COL13A1: variants seen among roughly 807,000 people sequenced by gnomAD.
COL13A1 encodes the protein collagen alpha-1(XIII) chain.
In COL13A1, 89 loss-of-function variants were observed where a neutral mutation model predicts 130.9. That is an observed-to-expected ratio of 0.68 (90% CI 0.57 to 0.81). The LOEUF (loss-of-function observed/expected upper bound fraction) is 0.81, where lower values mean the gene tolerates loss of function less well. COL13A1 is among the 30% of genes least tolerant of loss of function. The pLI is 0.00. For missense variants in COL13A1, 879 were observed against 934.6 expected (o/e 0.94, Z 0.78); for synonymous variants, 402 against 341.6 (o/e 1.18, Z -1.95).
intron 1 of COL13A1, among the ~76,000 whole-genome samples, chr10:69,815,141 T>C (rs1279683383): frequency 6.6e-6 from 1 of 152,026 alleles, no homozygotes; most frequent in African/African-American, 2.4e-5. Context: ...AGGCTCAAGG[T>C]CACAGCTGCA....
chr10:69,954,737 C>T lies in COL13A1; in HGVS notation c.2145+1769C>T, dbSNP rs112955935. 7.8e-3 allele frequency among the ~76,000 whole-genome samples: 1,193 copies of T among 152,308 alleles called. 8 individuals carry two copies. The highest frequency in any genetic ancestry group is 0.065 in the Middle Eastern group (19 of 294). On this transcript the variant is annotated intron_variant, in intron 39 of 40. Transcript: ENST00000645393. ...GGTTTGTCCTTCTTGCTTAAATCTC[C>T]AAAGACATTACCAGACCCTTCCTCG...
At chr10:69,842,130 G>A (rs1851760812) in intron 2 of COL13A1, among the ~76,000 whole-genome samples, 1 of 152,180 alleles carries the variant, frequency 6.6e-6, no homozygotes, top group Non-Finnish European at 1.5e-5. Context: ...GAGGGACCTG[G>A]TGGGAGATGA....
chr10:69,913,707 G>A (rs2063621925), intron 17 of COL13A1, among the ~76,000 whole-genome samples: 1 of 152,130 alleles, frequency 6.6e-6, no homozygotes, highest in Admixed American at 6.5e-5. Flanking sequence ...AATGTTTTTG[G>A]CTTTAGGAGA....
intron 1 of COL13A1, among the ~76,000 whole-genome samples, chr10:69,806,557 C>T (rs978671272): frequency 6.6e-6 from 1 of 152,232 alleles, no homozygotes; most frequent in Non-Finnish European, 1.5e-5. Context: ...GCGCCTCTCT[C>T]CTGGTCTGGG....
At chr10:69,922,351 G>A (rs1016176475) in intron 22 of COL13A1, among the ~76,000 whole-genome samples, 4 of 152,162 alleles carry the variant, frequency 2.6e-5, no homozygotes, top group Non-Finnish European at 5.9e-5. Flanking sequence ...CTGCAGTGAT[G>A]GGGTCTGCAA....
intron 1 of COL13A1, among the ~76,000 whole-genome samples, chr10:69,810,821 C>T (rs968727569): frequency 2.1e-4 from 32 of 152,354 alleles, no homozygotes; most frequent in African/African-American, 7.7e-4. Flanking sequence ...CTGACACTCC[C>T]GCTCTCCCAG....
intron 2 of COL13A1, among the ~76,000 whole-genome samples, chr10:69,853,361 G>T (rs1020086246): frequency 9.9e-5 from 15 of 152,108 alleles, no homozygotes; most frequent in African/African-American, 3.4e-4. Context: ...TTCCAATGAG[G>T]CCTCTTATCT....
At chr10:69,838,187 T>C (rs1459079597) in intron 2 of COL13A1, among the ~76,000 whole-genome samples, 1 of 152,226 alleles carries the variant, frequency 6.6e-6, no homozygotes, top group African/African-American at 2.4e-5. Context: ...GCCTTCCCGG[T>C]CCCACTTGTG....
At chr10:69,877,138 G>A (rs1395957845) in intron 5 of COL13A1, among the ~76,000 whole-genome samples, 1 of 152,210 alleles carries the variant, frequency 6.6e-6, no homozygotes, top group African/African-American at 2.4e-5. Flanking sequence ...TGCCCATTAG[G>A]GGTCCTGGCA....
intron 2 of COL13A1, among the ~76,000 whole-genome samples, chr10:69,836,384 G>C (rs1310635767): frequency 6.6e-6 from 1 of 152,336 alleles, no homozygotes; most frequent in East Asian, 1.9e-4. Context: ...TTGGTGGCTT[G>C]TGCAGCTGGC....
chr10:69,905,273 C>T (rs2062636727), intron 16 of COL13A1, among the ~76,000 whole-genome samples: 1 of 152,150 alleles, frequency 6.6e-6, no homozygotes. Context: ...GTCACAATAT[C>T]CCAATAAAAT....
chr10:69,914,987 C>T (rs369484102), intron 17 of COL13A1, among the ~76,000 whole-genome samples: 6 of 152,354 alleles, frequency 3.9e-5, no homozygotes, highest in African/African-American at 1.4e-4. Context: ...CCGCTTTCAG[C>T]CTGCAAAGGC....
At chr10:69,848,649 G>T (rs535127598) in intron 2 of COL13A1, among the ~76,000 whole-genome samples, 1 of 152,304 alleles carries the variant, frequency 6.6e-6, no homozygotes, top group African/African-American at 2.4e-5. Flanking sequence ...CTCACCTGTC[G>T]CCTGACTCAC....
At chr10:69,928,432 G>A (rs181597034) in intron 27 of COL13A1, among the ~76,000 whole-genome samples, 3 of 152,292 alleles carry the variant, frequency 2.0e-5, no homozygotes, top group Admixed American at 2.0e-4. Flanking sequence ...GTCTCTTCTA[G>A]AGCTTCATGT....
At position 69,918,337 on chromosome 10, in the gene COL13A1, C is replaced by T; in HGVS notation, c.999+20C>T. The T allele has an allele frequency of 4.3e-6, 7 of 1,612,458 alleles. No individual in the cohort carries two copies. The highest frequency in any genetic ancestry group is 5.9e-6 in the Non-Finnish European group (7 of 1,179,080). On this transcript the variant is annotated intron_variant, in intron 19 of 40. Transcript: ENST00000645393. ...ATGAAGGTCAGTGGACTGTTGTAAC[C>T]AACACATCAGGGACAGGGTGGGAGA...
chr10:69,895,547 C>T lies in COL13A1; in HGVS notation c.658-3C>T. Reference sequence around the variant, plus strand: ...CCACCTTTCCCTTCCCTCTCCTTCCCAGGGTCAGTGTGGAGAGTACCCACA... The same window carrying T: ...CCACCTTTCCCTTCCCTCTCCTTCCTAGGGTCAGTGTGGAGAGTACCCACA... On this transcript the variant is annotated splice_polypyrimidine_tract_variant and splice_region_variant and intron_variant, in intron 12 of 40. Transcript: ENST00000645393. The T allele has an allele frequency of 1.2e-6, 2 of 1,614,010 alleles. No homozygotes were observed. The highest frequency in any genetic ancestry group is 1.1e-5 in the South Asian group (1 of 91,078).
chr10:69,898,750 G>A lies in COL13A1; in HGVS notation c.738G>A (p.Arg246=). 1 of 1,613,270 alleles carries A rather than the reference G, an allele frequency of 6.2e-7. No individual in the cohort carries two copies. Among genetic ancestry groups the A allele is most frequent in the Non-Finnish European group, 8.5e-7 (1 of 1,179,560 alleles). The change falls in exon 14 of 41, where the codon AGG becomes AGA. Residue 246 remains arginine (R), a synonymous_variant. Transcript: ENST00000645393. ...VRLAPPPVIK[R]RTFQGEQSQA... ...TGGCTCCACCCCCGGTCATAAAAAG[G>A]CGGACGTTCCAGGTAGACACCTCCC...
At chr10:69,945,754 C>T in intron 37 of COL13A1, 30 bp downstream of exon 37, 2 of 1,596,630 alleles carry the variant, frequency 1.3e-6, no homozygotes, top group Non-Finnish European at 1.7e-6. Flanking sequence ...AGGTTCCTCT[C>T]CTCCCACCCC....
chr10:69,873,885 G>C (rs1447508069), intron 4 of COL13A1, among the ~76,000 whole-genome samples: 1 of 152,204 alleles, frequency 6.6e-6, no homozygotes, highest in African/African-American at 2.4e-5. Flanking sequence ...CCTGCCCACA[G>C]CTGTGCTAGG....
Sources: gnomAD v4.1 joint callset for allele counts (sites outside exome capture counted in the v4.1 genomes callset) on GRCh38, gnomAD v4.1.1 for gene constraint, MANE v1.5 for transcripts, NCBI Gene and HGNC (gene_info 2026-07-23, HGNC 2026-07-21) for gene names.